AGO2: variants seen among roughly 807,000 people sequenced by gnomAD.
AGO2 encodes argonaute RISC catalytic component 2, also known as protein argonaute-2.
Under a neutral mutation model 102.3 loss-of-function variants are expected in AGO2, and 5 were observed. That is an observed-to-expected ratio of 0.05 (90% CI 0.03 to 0.10). AGO2 has a LOEUF of 0.10. Among genes scored for constraint, AGO2 ranks in the 10% least tolerant of loss-of-function variants. The pLI, the probability that AGO2 is intolerant of heterozygous loss-of-function variation, is 1.00. For synonymous variants in AGO2, 449 were observed against 473.1 expected (o/e 0.95, Z 0.66); for missense variants, 541 against 1,183.7 (o/e 0.46, Z 7.97).
intron 1 of AGO2, among the ~76,000 whole-genome samples, chr8:140,630,761 T>C (rs559511726): frequency 3.3e-5 from 5 of 152,370 alleles, no homozygotes; most frequent in Middle Eastern, 3.4e-3. Flanking sequence ...CCATAGGTCA[T>C]ACAGTGTCGC....
intron 1 of AGO2, among the ~76,000 whole-genome samples, chr8:140,593,755 C>T (rs139139109): frequency 1.3e-5 from 2 of 152,176 alleles, no homozygotes; most frequent in Non-Finnish European, 2.9e-5. Context: ...ATCCTTACCA[C>T]GGGCAAGGCA....
Position 140,533,525 on chromosome 8 carries a change from G to A in AGO2, c.2272-910C>T, listed in dbSNP as rs553142641. 1.8e-4 allele frequency among the ~76,000 whole-genome samples: 27 copies of A among 152,140 alleles called. 1 individual carries two copies. In the South Asian group the frequency reaches 5.6e-3, roughly 32 times the overall value. On this transcript the variant is annotated intron_variant, in intron 17 of 18. Transcript: ENST00000220592. ...GACCTCTAATAAAAGTTACACATTAGGCCAGGTGCAGTGGATCATGCCTGT... is the reference window on the plus strand; with the variant it reads ...GACCTCTAATAAAAGTTACACATTAAGCCAGGTGCAGTGGATCATGCCTGT...
chr8:140,582,737 A>G (rs2073576326), intron 2 of AGO2, among the ~76,000 whole-genome samples: 1 of 152,276 alleles, frequency 6.6e-6, no homozygotes, highest in Admixed American at 6.5e-5. Flanking sequence ...AAAATTTCCT[A>G]GAGAGAATAC....
intron 1 of AGO2, among the ~76,000 whole-genome samples, chr8:140,615,801 A>T (rs1027460151): frequency 6.6e-6 from 1 of 152,218 alleles, no homozygotes. Context: ...AATTAAACAC[A>T]CTATTGAGTT....
At chr8:140,633,191 C>T (rs545544120) in intron 1 of AGO2, among the ~76,000 whole-genome samples, 1 of 152,176 alleles carries the variant, frequency 6.6e-6, no homozygotes, top group African/African-American at 2.4e-5. Flanking sequence ...TTCTATAATT[C>T]AAATTGAATG....
intron 16 of AGO2, among the ~76,000 whole-genome samples, chr8:140,538,895 G>A (rs1429309242): frequency 6.6e-6 from 1 of 152,146 alleles, no homozygotes; most frequent in African/African-American, 2.4e-5. Flanking sequence ...AAGCCCAGGA[G>A]TTTAAGACCA....
Position 140,598,215 on chromosome 8 carries a change from C to G in AGO2, c.23-12904G>C, listed in dbSNP as rs1224053240. 2.6e-5 allele frequency among the ~76,000 whole-genome samples: 4 copies of G among 152,164 alleles called. No homozygotes were observed. The East Asian group carries it at 7.7e-4, about 29-fold the overall frequency. On this transcript the variant is annotated intron_variant, in intron 1 of 18. Transcript: ENST00000220592. ...GACCCGTATGGGAAGATGTCTGAAC[C>G]CCGAGACGGCGTGTTCTGTGCTGGA...
the AGO2 span, among the ~76,000 whole-genome samples, chr8:140,641,523 G>A: frequency 6.6e-6 from 1 of 151,980 alleles, no homozygotes; most frequent in African/African-American, 2.4e-5. Flanking sequence ...CAAAGATTTT[G>A]GCTGTAAGAC....
chr8:140,619,008 A>C (rs947902572), intron 1 of AGO2, among the ~76,000 whole-genome samples: 14 of 152,022 alleles, frequency 9.2e-5, no homozygotes, highest in African/African-American at 2.9e-4. Context: ...TTCTGCATGG[A>C]AACCCCACGG....
intron 1 of AGO2, among the ~76,000 whole-genome samples, chr8:140,619,703 C>T (rs983715902): frequency 5.3e-5 from 8 of 152,124 alleles, no homozygotes; most frequent in East Asian, 1.9e-4. Context: ...CGCAGGGGTG[C>T]GGGCCGGCAA....
intron 1 of AGO2, among the ~76,000 whole-genome samples, chr8:140,601,833 C>T (rs1181052203): frequency 5.3e-5 from 8 of 152,094 alleles, no homozygotes; most frequent in Admixed American, 5.2e-4. Context: ...TTTTCTACCC[C>T]TAGGTTAAGG....
At chr8:140,609,980 G>A (rs986865344) in intron 1 of AGO2, among the ~76,000 whole-genome samples, 3 of 149,396 alleles carry the variant, frequency 2.0e-5, no homozygotes, top group African/African-American at 4.9e-5. Context: ...GATGGTTTGA[G>A]CCTGGGAATT....
intron 1 of AGO2, among the ~76,000 whole-genome samples, chr8:140,632,280 C>A (rs79533446): frequency 6.6e-6 from 1 of 152,382 alleles, no homozygotes; most frequent in East Asian, 1.9e-4. Flanking sequence ...GCACAAATAC[C>A]CAGCCATGCC....
At chr8:140,640,803 G>C in the AGO2 span, among the ~76,000 whole-genome samples, 20 of 152,320 alleles carry the variant, frequency 1.3e-4, no homozygotes, top group Admixed American at 9.8e-4. Context: ...ACAGGCGTGA[G>C]CCACCACGCC....
upstream of AGO2, chr8:140,636,204 C>T (rs577104705): frequency 3.0e-4 from 46 of 152,226 alleles, no homozygotes; most frequent in African/African-American, 1.1e-3. Context: ...CGGCCGCTCG[C>T]GCAGGACCAC....
chr8:140,570,464 A>C (rs1588467430), intron 3 of AGO2, among the ~76,000 whole-genome samples: 1 of 152,182 alleles, frequency 6.6e-6, no homozygotes, highest in East Asian at 1.9e-4. Context: ...TCCTGGCCTC[A>C]AGTGATCCGC....
In AGO2 at chr8:140,531,459, G is replaced by A. The variant is rs981722839; in HGVS notation, c.*585C>T. ...GCTCCTTAGTTCAGGCCGGGTGAAG[G>A]GCGGTGCTGGCAGAACACGGCACCT... On this transcript the variant is annotated 3_prime_UTR_variant, in exon 19 of 19. Coordinates refer to ENST00000220592, the MANE Select transcript of AGO2 (RefSeq NM_012154.5). The A allele has an allele frequency of 2.6e-5, 4 of 152,988 alleles. No individual in the cohort carries two copies. Among genetic ancestry groups the A allele is most frequent in the African/African-American group, 7.2e-5 (3 of 41,458 alleles). 9.5% of individuals were successfully genotyped at this position (152,988 alleles called of 1,614,324 possible).
Position 140,521,884 on chromosome 8 carries a change from G to T in AGO2, c.*10160C>A, listed in dbSNP as rs1209553299. On this transcript the variant is annotated 3_prime_UTR_variant, in exon 19 of 19. Coordinates refer to ENST00000220592, the MANE Select transcript of AGO2 (RefSeq NM_012154.5). ...TAGAAAAGCAATGATGAGGGTACTTGGGATTTTTTTTCTGGCCACCCCTTC... is the reference window on the plus strand; with the variant it reads ...TAGAAAAGCAATGATGAGGGTACTTTGGATTTTTTTTCTGGCCACCCCTTC... The T allele has an allele frequency of 2.0e-5, 3 of 152,192 alleles. No individual in the cohort carries two copies. Among genetic ancestry groups the T allele is most frequent in the African/African-American group, 4.8e-5 (2 of 41,442 alleles). The allele number at this position is 152,192 out of a possible 1,614,324, so 9.4% of individuals were successfully genotyped here.
intron 1 of AGO2, among the ~76,000 whole-genome samples, chr8:140,618,085 C>T (rs905365327): frequency 3.3e-5 from 5 of 151,878 alleles, no homozygotes; most frequent in South Asian, 2.1e-4. Flanking sequence ...GGGCAGATCA[C>T]GAGGTCAGGA....
Sources: gnomAD v4.1 joint callset for allele counts (sites outside exome capture counted in the v4.1 genomes callset) on GRCh38, gnomAD v4.1.1 for gene constraint, MANE v1.5 for transcripts, NCBI Gene and HGNC (gene_info 2026-07-23, HGNC 2026-07-21) for gene names.